Variants in RASGRF1 observed in about 807,000 individuals in gnomAD.
RASGRF1 encodes Ras protein specific guanine nucleotide releasing factor 1, also known as ras-specific guanine nucleotide-releasing factor 1.
Under a neutral mutation model 138.7 loss-of-function variants are expected in RASGRF1, and 40 were observed. The ratio of observed to expected loss-of-function variants is 0.29; its 90% CI spans 0.22 to 0.38. RASGRF1 has a LOEUF of 0.38. Ranked by LOEUF, RASGRF1 falls within the 10% of genes least tolerant of loss-of-function variation. RASGRF1 has a pLI of 1.00. For missense variants in RASGRF1, 1,108 were observed against 1,650.4 expected (o/e 0.67, Z 5.69); for synonymous variants, 614 against 663.2 (o/e 0.93, Z 1.14).
chr15:79,090,106 C>G (rs1329106175), intron 1 of RASGRF1, 117 bp downstream of exon 1: 4 of 1,353,972 alleles, frequency 3.0e-6, no homozygotes, highest in Non-Finnish European at 3.9e-6. Context: ...GCAGAGAGCG[C>G]CTAGGGCGCC....
chr15:79,003,955 A>G lies in RASGRF1; in HGVS notation c.2296T>C (p.Tyr766His), dbSNP rs2056608904. ...LAALSCNSNG[Y>H]TSMYSAMSPF... ...GACATGGCCGAGTACATGCTGGTGT[A>G]GCCATTGGAGTTGCAGCTGAGGGCG... The change falls in exon 15 of 27, where the codon TAC (tyrosine) becomes CAC (histidine). Residue 766 changes from tyrosine (Y) to histidine (H), a missense_variant. By Grantham distance (83) the Tyr-to-His change is moderately conservative. This residue lies in a region of RASGRF1 where 686 missense variants were observed against 976.7 expected (regional missense o/e 0.70). Transcript: ENST00000558480. The G allele has an allele frequency of 6.2e-7, 1 of 1,614,044 alleles. No individual in the cohort carries two copies.
At chr15:79,007,070 T>A (rs557386376) in intron 13 of RASGRF1, among the ~76,000 whole-genome samples, 4 of 152,172 alleles carry the variant, frequency 2.6e-5, no homozygotes, top group African/African-American at 9.7e-5. Context: ...AGCCCCAAAG[T>A]GGAAACTACC....
intron 1 of RASGRF1, among the ~76,000 whole-genome samples, chr15:79,087,842 CAT>C (rs1430467270): frequency 6.6e-6 from 1 of 152,232 alleles, no homozygotes; most frequent in African/African-American, 2.4e-5. Flanking sequence ...CCTATATAAA[CAT>C]ATGTGATTTA....
At chr15:79,048,345 T>G (rs1364210576) in intron 4 of RASGRF1, among the ~76,000 whole-genome samples, 1 of 151,958 alleles carries the variant, frequency 6.6e-6, no homozygotes, top group Non-Finnish European at 1.5e-5. Context: ...CTGGGCCTTC[T>G]GCTTTTTAAG....
chr15:79,041,774 C>G (rs1170570569), intron 5 of RASGRF1, among the ~76,000 whole-genome samples: 1 of 152,206 alleles, frequency 6.6e-6, no homozygotes, highest in East Asian at 1.9e-4. Flanking sequence ...CTCTTGCCCC[C>G]ACACCCTGCC....
At chr15:79,033,356 C>T (rs191686099) in intron 6 of RASGRF1, among the ~76,000 whole-genome samples, 103 of 151,868 alleles carry the variant, frequency 6.8e-4, no homozygotes, top group Admixed American at 5.0e-3. Context: ...GATTCTCCCA[C>T]CTCAGCCTCC....
At chr15:79,066,357 G>A (rs911374792) in intron 1 of RASGRF1, among the ~76,000 whole-genome samples, 6 of 152,218 alleles carry the variant, frequency 3.9e-5, no homozygotes, top group Non-Finnish European at 8.8e-5. Context: ...CTCAGGCCCT[G>A]GGCTTGGCCC....
intron 20 of RASGRF1, 38 bp from the exon 21 acceptor site, chr15:78,991,832 C>A: frequency 6.5e-7 from 1 of 1,538,234 alleles, no homozygotes; most frequent in Non-Finnish European, 9.0e-7. Context: ...TTGAGTTAGG[C>A]CCATGACGGA....
chr15:78,965,164 T>C (rs533765273), intron 26 of RASGRF1, among the ~76,000 whole-genome samples: 29 of 152,304 alleles, frequency 1.9e-4, no homozygotes, highest in African/African-American at 7.0e-4. Context: ...GCCAACACTG[T>C]CAGCAGAGTA....
chr15:78,963,752 A>G (rs2141581797), intron 26 of RASGRF1, among the ~76,000 whole-genome samples: 1 of 152,324 alleles, frequency 6.6e-6, no homozygotes, highest in Admixed American at 6.5e-5. Context: ...TAAAGTGATT[A>G]CTATGTCTGA....
At chr15:79,029,790 G>T (rs904390044) in intron 8 of RASGRF1, among the ~76,000 whole-genome samples, 2 of 152,076 alleles carry the variant, frequency 1.3e-5, no homozygotes, top group Non-Finnish European at 2.9e-5. Context: ...GCTGGGTTCA[G>T]GGCCAGGTAC....
intron 1 of RASGRF1, among the ~76,000 whole-genome samples, chr15:79,065,352 G>A (rs559847115): frequency 2.3e-4 from 35 of 151,794 alleles, no homozygotes; most frequent in African/African-American, 7.5e-4. Context: ...GCAGCTTGGT[G>A]TCCAGAGCTC....
chr15:78,978,220 G>GTTTTTTTTTTTT (rs71148584), intron 24 of RASGRF1, among the ~76,000 whole-genome samples: 3 of 125,096 alleles, frequency 2.4e-5, no homozygotes, highest in African/African-American at 1.2e-4. Flanking sequence ...CTTTTCTTTT[G>GTTTTTTTTTTTT]TTTTTTTTTT....
chr15:79,061,584 C>T (rs1483505681), intron 2 of RASGRF1, among the ~76,000 whole-genome samples: 1 of 152,012 alleles, frequency 6.6e-6, no homozygotes, highest in Admixed American at 6.6e-5. Context: ...CCCTGTCAAT[C>T]CCTACACCAG....
chr15:79,025,206 G>A (rs926973308), intron 10 of RASGRF1, 108 bp downstream of exon 10: 39 of 1,284,938 alleles, frequency 3.0e-5, no homozygotes, highest in South Asian at 8.6e-5. Context: ...GCATGCACAC[G>A]TCTCTGACAC....
chr15:79,044,751 A>T (rs1251895052), intron 5 of RASGRF1, among the ~76,000 whole-genome samples: 1 of 152,178 alleles, frequency 6.6e-6, no homozygotes, highest in East Asian at 1.9e-4. Context: ...GAGAAGGCAA[A>T]ATCCCCCTTT....
intron 23 of RASGRF1, among the ~76,000 whole-genome samples, chr15:78,984,259 G>C (rs1352212586): frequency 6.6e-6 from 1 of 152,118 alleles, no homozygotes. Flanking sequence ...CTGTCTACTG[G>C]GGGTGCTTGT....
intron 1 of RASGRF1, among the ~76,000 whole-genome samples, chr15:79,065,231 T>G (rs563641503): frequency 6.6e-6 from 1 of 152,290 alleles, no homozygotes; most frequent in South Asian, 2.1e-4. Context: ...CAAAGGGCTG[T>G]GGGGGCACAG....
intron 4 of RASGRF1, 142 bp downstream of exon 4, chr15:79,049,354 G>A: frequency 1.3e-6 from 1 of 743,902 alleles, no homozygotes; most frequent in Non-Finnish European, 2.3e-6. Context: ...AAGGGAGTGT[G>A]GGCTCTGTCT....
Sources: gnomAD v4.1 joint callset for allele counts (sites outside exome capture counted in the v4.1 genomes callset) on GRCh38, gnomAD v4.1.1 for gene constraint, gnomAD v4.1.1 regional missense constraint, MANE v1.5 for transcripts, NCBI Gene and HGNC (gene_info 2026-07-23, HGNC 2026-07-21) for gene names.